The following NOL4 variants were observed in gnomAD, a reference collection of about 807,000 sequenced individuals.
The protein encoded by NOL4 is cancer/testis antigen 125.
In NOL4, 17 loss-of-function variants were observed where a neutral mutation model predicts 75.9. The ratio of observed to expected loss-of-function variants is 0.22; its 90% CI spans 0.15 to 0.34. The LOEUF is 0.34. Ranked by LOEUF, NOL4 falls within the 10% of genes least tolerant of loss-of-function variation. NOL4 has a pLI of 1.00. For synonymous variants in NOL4, 292 were observed against 289.9 expected (o/e 1.01, Z -0.07); for missense variants, 614 against 793.5 (o/e 0.77, Z 2.72).
At chr18:33,921,576 A>G (rs890215880) in intron 9 of NOL4, among the ~76,000 whole-genome samples, 5 of 152,180 alleles carry the variant, frequency 3.3e-5, no homozygotes, top group African/African-American at 1.2e-4. Flanking sequence ...AGGAGAAGAG[A>G]CACAGACAGA....
intron 6 of NOL4, among the ~76,000 whole-genome samples, chr18:33,985,521 C>A (rs1336322318): frequency 6.6e-6 from 1 of 151,966 alleles, no homozygotes; most frequent in Non-Finnish European, 1.5e-5. Context: ...TTTTGCTTAC[C>A]AATGATTTAT....
chr18:34,207,149 C>T (rs2036179535), intron 1 of NOL4, among the ~76,000 whole-genome samples: 1 of 152,092 alleles, frequency 6.6e-6, no homozygotes, highest in Non-Finnish European at 1.5e-5. Context: ...ATGTTAGCTG[C>T]CTTTAAATCC....
At position 34,068,987 on chromosome 18, in the gene NOL4, C is replaced by A. The variant is rs183970489; in HGVS notation, c.772+24478G>T. On this transcript the variant is annotated intron_variant, in intron 5 of 10. Coordinates refer to ENST00000261592, the MANE Select transcript of NOL4 (RefSeq NM_003787.5). ...TTCTTTTATAGCAATACTCAGAATA[C>A]AATAAAACTCTAAAAGATACATGAA... Among the ~76,000 whole-genome samples the A allele has an allele frequency of 2.1e-3, 321 of 151,794 alleles. 5 individuals are homozygous for A. The highest frequency in any genetic ancestry group is 7.2e-3 in the African/African-American group (299 of 41,360).
intron 10 of NOL4, among the ~76,000 whole-genome samples, chr18:33,880,305 C>CTGTG (rs61306180): frequency 0.12 from 17,203 of 144,292 alleles, 1,079 homozygotes; most frequent in East Asian, 0.24. Flanking sequence ...CAAAAGGGGT[C>CTGTG]TGTGTGTGTG....
intron 1 of NOL4, among the ~76,000 whole-genome samples, chr18:34,181,596 TG>T (rs1278350302): frequency 7.9e-5 from 12 of 151,592 alleles, no homozygotes; most frequent in Admixed American, 5.3e-4. Flanking sequence ...TAAAAACTTT[TG>T]CATATAAATA....
chr18:33,966,490 A>G (rs1243104378), intron 6 of NOL4, among the ~76,000 whole-genome samples: 1 of 152,182 alleles, frequency 6.6e-6, no homozygotes, highest in African/African-American at 2.4e-5. Flanking sequence ...CAAAATAGAA[A>G]AGGCAGTCAA....
intron 5 of NOL4, among the ~76,000 whole-genome samples, chr18:34,083,711 T>C (rs966349745): frequency 2.0e-5 from 3 of 152,200 alleles, no homozygotes; most frequent in African/African-American, 7.2e-5. Context: ...TGAGAGGTCT[T>C]TTATGCTGTC....
chr18:34,127,268 G>A (rs1003015228), intron 2 of NOL4, among the ~76,000 whole-genome samples: 5 of 151,770 alleles, frequency 3.3e-5, no homozygotes, highest in Admixed American at 6.6e-5. Context: ...ACCATTTCCT[G>A]CAGAGTGAAA....
chr18:33,959,406 T>C (rs891041157), intron 6 of NOL4, among the ~76,000 whole-genome samples: 1 of 152,010 alleles, frequency 6.6e-6, no homozygotes, highest in African/African-American at 2.4e-5. Flanking sequence ...CAGAGTAAGT[T>C]TGGAAGAGTG....
chr18:34,150,209 T>G (rs2081583301), intron 1 of NOL4, among the ~76,000 whole-genome samples: 1 of 151,674 alleles, frequency 6.6e-6, no homozygotes. Context: ...ACTAAGCCTA[T>G]TACATGAAGA....
At chr18:34,104,759 C>T (rs964526610) in intron 3 of NOL4, among the ~76,000 whole-genome samples, 7 of 151,830 alleles carry the variant, frequency 4.6e-5, no homozygotes, top group African/African-American at 1.7e-4. Context: ...AACCAATTTC[C>T]TTGCTGAATA....
intron 1 of NOL4, among the ~76,000 whole-genome samples, chr18:34,196,610 C>T (rs2035346339): frequency 6.6e-6 from 1 of 152,114 alleles, no homozygotes; most frequent in South Asian, 2.1e-4. Context: ...GGTTTATTCA[C>T]ACTTTGTTAA....
chr18:34,019,650 A>C (rs1600272830), intron 5 of NOL4, 49 bp from the exon 6 acceptor site: 3 of 1,532,320 alleles, frequency 2.0e-6, no homozygotes, highest in Non-Finnish European at 2.7e-6. Flanking sequence ...TATGCTATTC[A>C]GAGTCTACTT....
chr18:34,214,749 T>G (rs1216538944), intron 1 of NOL4, among the ~76,000 whole-genome samples: 1 of 152,076 alleles, frequency 6.6e-6, no homozygotes, highest in African/African-American at 2.4e-5. Flanking sequence ...ATAAAAGAAG[T>G]ACAAGCAATC....
chr18:34,222,261 G>A (rs954528544), intron 1 of NOL4: 15 of 1,377,566 alleles, frequency 1.1e-5, no homozygotes, highest in African/African-American at 1.5e-5. Context: ...CACACCATTC[G>A]ATAGCGCCTA....
At chr18:33,977,231 G>C (rs1286810009) in intron 6 of NOL4, among the ~76,000 whole-genome samples, 2 of 152,036 alleles carry the variant, frequency 1.3e-5, no homozygotes. Flanking sequence ...GTGAATAGTG[G>C]AGTTGCAATT....
chr18:33,877,928 G>A (rs2064029000), intron 10 of NOL4, among the ~76,000 whole-genome samples: 1 of 151,864 alleles, frequency 6.6e-6, no homozygotes, highest in South Asian at 2.1e-4. Context: ...TAGACTTGGA[G>A]TTCTGGATTT....
intron 4 of NOL4, among the ~76,000 whole-genome samples, chr18:34,097,905 A>G (rs2078863593): frequency 2.0e-5 from 3 of 152,212 alleles, no homozygotes. Flanking sequence ...AGTTTGTTCG[A>G]GTTTAAACCC....
At chr18:33,996,252 C>T (rs545872801) in intron 6 of NOL4, among the ~76,000 whole-genome samples, 3 of 151,654 alleles carry the variant, frequency 2.0e-5, no homozygotes, top group Admixed American at 1.3e-4. Flanking sequence ...TAATCTCATA[C>T]GGAGAAATTC....
Sources: allele counts gnomAD v4.1 joint callset (sites outside exome capture counted in the v4.1 genomes callset), GRCh38; gene constraint gnomAD v4.1.1; transcripts MANE v1.5; gene names NCBI Gene and HGNC (gene_info 2026-07-23, HGNC 2026-07-21).